The following RBFOX1 variants were observed in gnomAD, a reference collection of about 807,000 sequenced individuals.
The protein encoded by RBFOX1 is RNA binding fox-1 homolog 1.
RBFOX1 carries 8 observed loss-of-function variants against 57.7 expected under a neutral mutation model. That is an observed-to-expected ratio of 0.14 (90% CI 0.08 to 0.25). RBFOX1 has a LOEUF of 0.25. Among genes scored for constraint, RBFOX1 ranks in the 10% least tolerant of loss-of-function variants. RBFOX1 has a pLI of 1.00. For missense variants in RBFOX1, 611 were observed against 548.5 expected (o/e 1.11, Z -1.14); for synonymous variants, 326 against 222.4 (o/e 1.47, Z -4.15).
intron 4 of RBFOX1, among the ~76,000 whole-genome samples, chr16:7,321,392 C>G (rs1270981485): frequency 6.6e-6 from 1 of 152,044 alleles, no homozygotes; most frequent in African/African-American, 2.4e-5. Context: ...GTGATACACC[C>G]TCCTCGGCCT....
chr16:6,732,302 C>G (rs10492838), intron 3 of RBFOX1, among the ~76,000 whole-genome samples: 42,900 of 152,092 alleles, frequency 0.28, 6,843 homozygotes, highest in East Asian at 0.56. Context: ...CCAGAATTCA[C>G]CGTCTCGGCC....
chr16:5,460,526 T>A (rs545816781), intron 1 of RBFOX1, among the ~76,000 whole-genome samples: 1 of 152,270 alleles, frequency 6.6e-6, no homozygotes, highest in African/African-American at 2.4e-5. Context: ...GGAGAAACAC[T>A]TCTGTGCTAC....
At chr16:5,851,319 C>T (rs1273808722) in intron 3 of RBFOX1, among the ~76,000 whole-genome samples, 6 of 152,182 alleles carry the variant, frequency 3.9e-5, no homozygotes, top group Non-Finnish European at 8.8e-5. Flanking sequence ...GGGTGCTTTT[C>T]GTTTATCCTG....
intron 4 of RBFOX1, among the ~76,000 whole-genome samples, chr16:5,943,574 A>G (rs556050019): frequency 1.3e-5 from 2 of 152,304 alleles, no homozygotes; most frequent in East Asian, 3.9e-4. Flanking sequence ...TAAGTCCTTT[A>G]TGTCACTAAC....
chr16:5,259,464 T>C (rs1029154760), intron 1 of RBFOX1, among the ~76,000 whole-genome samples: 10 of 152,168 alleles, frequency 6.6e-5, no homozygotes, highest in African/African-American at 2.4e-4. Flanking sequence ...TTTGACTCCA[T>C]CTTGTATTGT....
At chr16:6,922,493 T>C (rs556175799) in intron 3 of RBFOX1, among the ~76,000 whole-genome samples, 1 of 152,330 alleles carries the variant, frequency 6.6e-6, no homozygotes, top group African/African-American at 2.4e-5. Flanking sequence ...TAGCTCATTT[T>C]CTTTGCTGTG....
intron 2 of RBFOX1, among the ~76,000 whole-genome samples, chr16:5,481,391 A>G (rs540882010): frequency 1.1e-3 from 167 of 152,326 alleles, no homozygotes; most frequent in African/African-American, 3.7e-3. Context: ...AGAACAGGGC[A>G]TTTTGTATCT....
intron 4 of RBFOX1, among the ~76,000 whole-genome samples, chr16:7,245,096 C>G (rs1384734919): frequency 1.3e-5 from 2 of 152,232 alleles, no homozygotes; most frequent in African/African-American, 2.4e-5. Flanking sequence ...TTTCTAGGTG[C>G]TGTATGTCCA....
At chr16:6,573,525 A>C (rs527758766) in intron 2 of RBFOX1, among the ~76,000 whole-genome samples, 2 of 152,292 alleles carry the variant, frequency 1.3e-5, no homozygotes, top group East Asian at 1.9e-4. Context: ...TGTGAGTGCA[A>C]ATCTCTGATA....
At chr16:7,356,460 C>G (rs1028032347) in intron 4 of RBFOX1, among the ~76,000 whole-genome samples, 1 of 151,966 alleles carries the variant, frequency 6.6e-6, no homozygotes, top group South Asian at 2.1e-4. Flanking sequence ...GGAGAGTGTT[C>G]AAAAGAAGCC....
At chr16:5,240,724 G>C (rs1262401303) in intron 1 of RBFOX1, among the ~76,000 whole-genome samples, 1 of 152,168 alleles carries the variant, frequency 6.6e-6, no homozygotes, top group Admixed American at 6.5e-5. Flanking sequence ...TGCATCCCTC[G>C]GGGCGCTGTC....
intron 3 of RBFOX1, among the ~76,000 whole-genome samples, chr16:5,731,243 C>G (rs536918061): frequency 1.3e-5 from 2 of 152,268 alleles, no homozygotes; most frequent in African/African-American, 4.8e-5. Context: ...TCATCACTAT[C>G]AATGTCTCCA....
In RBFOX1 at chr16:5,312,997, C is replaced by T. The variant is rs2064133822; in HGVS notation, c.219+72892C>T. 2.6e-5 allele frequency among the ~76,000 whole-genome samples: 4 copies of T among 152,024 alleles called. No individual in the cohort carries two copies. The South Asian group carries it at 8.3e-4, about 32-fold the overall frequency. ...AATGATGCTTAGTGCCTTTTTTTTC[C>T]AGGCACACCACTGAGAATGGCAGGC... is the stretch of plus-strand genomic sequence containing the variant. On this transcript the variant is annotated intron_variant, in intron 1 of 2. Transcript: ENST00000585867.
intron 3 of RBFOX1, among the ~76,000 whole-genome samples, chr16:7,042,695 G>A (rs1215953978): frequency 1.3e-5 from 2 of 152,210 alleles, no homozygotes; most frequent in African/African-American, 4.8e-5. Context: ...GGAGGCCCAG[G>A]CGGGCGGATC....
intron 3 of RBFOX1, among the ~76,000 whole-genome samples, chr16:6,708,980 C>CT (rs139304220): frequency 0.31 from 45,898 of 149,982 alleles, 7,649 homozygotes; most frequent in East Asian, 0.69. Context: ...GCAAGCTTTT[C>CT]TTTTTTTTTT....
intron 1 of RBFOX1, among the ~76,000 whole-genome samples, chr16:5,369,104 C>G (rs2065797255): frequency 6.6e-6 from 1 of 152,200 alleles, no homozygotes. Flanking sequence ...TGGGTTCAAG[C>G]AGTTCTCCTG....
chr16:6,002,961 A>G (rs965155934), intron 4 of RBFOX1, among the ~76,000 whole-genome samples: 7 of 152,070 alleles, frequency 4.6e-5, no homozygotes, highest in Non-Finnish European at 7.4e-5. Context: ...AGCCATTTCA[A>G]TTTTCCTCGT....
At chr16:5,256,586 G>A (rs1482196894) in intron 1 of RBFOX1, among the ~76,000 whole-genome samples, 1 of 152,142 alleles carries the variant, frequency 6.6e-6, no homozygotes, top group African/African-American at 2.4e-5. Flanking sequence ...TTCTTTGCCT[G>A]TGATGTTTCC....
intron 4 of RBFOX1, among the ~76,000 whole-genome samples, chr16:7,338,428 C>G (rs2096833446): frequency 6.6e-6 from 1 of 152,202 alleles, no homozygotes; most frequent in Non-Finnish European, 1.5e-5. Flanking sequence ...AAGGGTCTCA[C>G]TCTGTCACTC....
Sources: gnomAD v4.1 joint callset for allele counts (sites outside exome capture counted in the v4.1 genomes callset) on GRCh38, gnomAD v4.1.1 for gene constraint, MANE v1.5 for transcripts, NCBI Gene and HGNC (gene_info 2026-07-23, HGNC 2026-07-21) for gene names.